The following CAMTA1 variants were observed in gnomAD, a reference collection of about 807,000 sequenced individuals.
CAMTA1 encodes calmodulin binding transcription activator 1, also known as calmodulin-binding transcription activator 1.
A neutral mutation model predicts 170.9 loss-of-function variants in CAMTA1; 27 were observed. That is an observed-to-expected ratio of 0.16 (90% CI 0.12 to 0.22). The LOEUF is 0.22. CAMTA1 is among the 10% of genes least tolerant of loss of function. The probability of loss-of-function intolerance (pLI) is 1.00; values close to 1 mark genes in which losing one functional copy is unlikely to be tolerated. For missense variants in CAMTA1, 1,619 were observed against 2,217.2 expected, an observed-to-expected ratio of 0.73 and a Z score of 5.42; for synonymous variants, 833 against 891.5, an observed-to-expected ratio of 0.93 and a Z score of 1.17.
intron 5 of CAMTA1, among the ~76,000 whole-genome samples, chr1:7,461,089 G>T (rs373460175): frequency 1.6e-4 from 24 of 152,208 alleles, no homozygotes; most frequent in African/African-American, 5.3e-4. Flanking sequence ...TGCCGCCCCC[G>T]CGGGTATTAT....
intron 3 of CAMTA1, among the ~76,000 whole-genome samples, chr1:6,883,786 A>G (rs528442514): frequency 6.6e-6 from 1 of 152,148 alleles, no homozygotes; most frequent in Non-Finnish European, 1.5e-5. Flanking sequence ...TAGCAGTGTC[A>G]GTGAGTCACG....
At chr1:7,392,024 G>A (rs900300448) in intron 5 of CAMTA1, among the ~76,000 whole-genome samples, 2 of 152,200 alleles carry the variant, frequency 1.3e-5, no homozygotes, top group Non-Finnish European at 2.9e-5. Context: ...AAAATATATA[G>A]AGGTAAGATT....
At chr1:7,005,607 G>A (rs1698880805) in intron 3 of CAMTA1, among the ~76,000 whole-genome samples, 1 of 152,234 alleles carries the variant, frequency 6.6e-6, no homozygotes, top group Non-Finnish European at 1.5e-5. Context: ...ATGGGGGAAA[G>A]CTTGATTAAT....
intron 5 of CAMTA1, among the ~76,000 whole-genome samples, chr1:7,450,855 G>A (rs2092806574): frequency 2.1e-5 from 3 of 142,146 alleles, no homozygotes; most frequent in South Asian, 4.8e-4. Flanking sequence ...TATTGGGGCA[G>A]AGAGAGCAGC....
intron 6 of CAMTA1, among the ~76,000 whole-genome samples, chr1:7,631,644 G>GTCTT (rs1364333980): frequency 6.6e-6 from 1 of 152,204 alleles, no homozygotes; most frequent in East Asian, 1.9e-4. Context: ...AGGCAGGGAA[G>GTCTT]AGAGACCCAA....
At chr1:7,579,329 G>A (rs2095235074) in intron 6 of CAMTA1, among the ~76,000 whole-genome samples, 2 of 152,236 alleles carry the variant, frequency 1.3e-5, no homozygotes, top group East Asian at 3.9e-4. Context: ...CTGTGCCACA[G>A]CAACAACCGT....
intron 3 of CAMTA1, among the ~76,000 whole-genome samples, chr1:7,012,115 T>C (rs1485937504): frequency 6.6e-6 from 1 of 152,152 alleles, no homozygotes; most frequent in Non-Finnish European, 1.5e-5. Context: ...GAGAGACACC[T>C]GCGGGTGTGC....
In CAMTA1 at chr1:7,495,397, G is replaced by A. The variant is rs1191635056; in HGVS notation, c.510+27496G>A. Among the ~76,000 whole-genome samples, 10 of 152,274 alleles carry A rather than the reference G, an allele frequency of 6.6e-5. No homozygotes were observed. In the South Asian group the frequency reaches 2.1e-3, roughly 32 times the overall value. On this transcript the variant is annotated intron_variant, in intron 6 of 22. Coordinates refer to ENST00000303635, the MANE Select transcript of CAMTA1 (RefSeq NM_015215.4). The stretch of plus-strand genomic sequence containing the variant: ...ATGTGGGTGAGCGTAGGGAGAGGAG[G>A]CGATGAATTCCTTGTGACATCAGAG...
intron 5 of CAMTA1, among the ~76,000 whole-genome samples, chr1:7,264,669 G>A (rs1668646798): frequency 6.6e-6 from 1 of 152,190 alleles, no homozygotes; most frequent in Non-Finnish European, 1.5e-5. Context: ...TCTAGAAAAT[G>A]CGGCAGCGTT....
chr1:7,659,405 G>A (rs2095934781), intron 7 of CAMTA1, among the ~76,000 whole-genome samples: 1 of 152,092 alleles, frequency 6.6e-6, no homozygotes, highest in Admixed American at 6.5e-5. Context: ...CCGGTGGCAG[G>A]CGCCTGTAAT....
At chr1:6,985,167 T>G (rs1388438366) in intron 3 of CAMTA1, among the ~76,000 whole-genome samples, 4 of 152,146 alleles carry the variant, frequency 2.6e-5, no homozygotes, top group African/African-American at 2.4e-5. Context: ...GTAGGGGGCG[T>G]GGGGCTGACT....
chr1:7,516,137 T>TGTAA (rs2094282938), intron 6 of CAMTA1, among the ~76,000 whole-genome samples: 1 of 152,206 alleles, frequency 6.6e-6, no homozygotes, highest in African/African-American at 2.4e-5. Flanking sequence ...GCGCTGACTT[T>TGTAA]GTAAGTCTCC....
chr1:7,371,244 TTTGTTTGTTTG>T (rs2086443499), intron 5 of CAMTA1, among the ~76,000 whole-genome samples: 4 of 2,934 alleles, frequency 1.4e-3, no homozygotes, highest in Non-Finnish European at 3.0e-3. Context: ...CTGGGTTTTG[TTTGTTTGTTTG>T]TTTGTTTGTT....
Position 7,422,411 on chromosome 1 carries a change from G to T in CAMTA1, c.439-45419G>T, listed in dbSNP as rs550591343. On this transcript the variant is annotated intron_variant, in intron 5 of 22. Transcript: ENST00000303635. Reference sequence around the variant, plus strand: ...GGAGACAGCAGATCCCGGCTTCCACGGACAGGCGAGAGGACATAGCAGGAA... The same window carrying T: ...GGAGACAGCAGATCCCGGCTTCCACTGACAGGCGAGAGGACATAGCAGGAA... 2.6e-5 allele frequency among the ~76,000 whole-genome samples: 4 copies of T among 152,144 alleles called. No homozygotes were observed. In the South Asian group the frequency reaches 8.3e-4, roughly 32 times the overall value.
At chr1:7,415,749 G>A (rs983435515) in intron 5 of CAMTA1, among the ~76,000 whole-genome samples, 5 of 152,248 alleles carry the variant, frequency 3.3e-5, no homozygotes, top group Non-Finnish European at 5.9e-5. Flanking sequence ...GGAGCATTTA[G>A]CCCATTTACA....
At chr1:6,790,375 A>AGAGTGTGTGT (rs951990612) in intron 1 of CAMTA1, among the ~76,000 whole-genome samples, 166 of 139,114 alleles carry the variant, frequency 1.2e-3, no homozygotes, top group Admixed American at 3.0e-3. Context: ...AGAGAGAGAG[A>AGAGTGTGTGT]GTGTGTGTGT....
At chr1:6,789,332 G>C (rs1202566840) in intron 1 of CAMTA1, among the ~76,000 whole-genome samples, 1 of 152,164 alleles carries the variant, frequency 6.6e-6, no homozygotes, top group Admixed American at 6.5e-5. Flanking sequence ...TCTTTAGAGA[G>C]TAGTGTTTAG....
chr1:7,040,723 C>CTT lies in CAMTA1; in HGVS notation c.235-50565_235-50564dup, dbSNP rs1277626911. On this transcript the variant is annotated intron_variant, in intron 3 of 22. Coordinates refer to ENST00000303635, the MANE Select transcript of CAMTA1 (RefSeq NM_015215.4). ...TTCTGCCTTGGCCATGGATCTCCCT[C>CTT]TTTTTTTTTTTTTTTTTAAAGACAG... Among the ~76,000 whole-genome samples the CTT allele has an allele frequency of 1.4e-4, 20 of 141,672 alleles. No individual in the cohort carries two copies. In the East Asian group the frequency reaches 1.5e-3, roughly 10 times the overall value. The allele number at this position is 141,672 out of a possible 152,430, so 92.9% of individuals were successfully genotyped here.
At chr1:7,350,435 T>C (rs1427715112) in intron 5 of CAMTA1, among the ~76,000 whole-genome samples, 3 of 152,204 alleles carry the variant, frequency 2.0e-5, no homozygotes, top group Non-Finnish European at 4.4e-5. Flanking sequence ...TGTTACCTTT[T>C]ATTTTGTTAA....
Sources: gnomAD v4.1 joint callset for allele counts (sites outside exome capture counted in the v4.1 genomes callset) on GRCh38, gnomAD v4.1.1 for gene constraint, MANE v1.5 for transcripts, NCBI Gene and HGNC (gene_info 2026-07-23, HGNC 2026-07-21) for gene names.